ANO3: variants seen among roughly 807,000 people sequenced by gnomAD.
The protein encoded by ANO3 is anoctamin-3.
In ANO3, 99 loss-of-function variants were observed where a neutral mutation model predicts 144.8. The ratio of observed to expected loss-of-function variants is 0.68; its 90% CI spans 0.58 to 0.81. ANO3 has a LOEUF of 0.81. Ranked by LOEUF, ANO3 falls within the 30% of genes least tolerant of loss-of-function variation. The pLI is 0.00. For synonymous variants in ANO3, 414 were observed against 392.6 expected, an observed-to-expected ratio of 1.05 and a Z score of -0.64; for missense variants, 905 against 1,202.2, an observed-to-expected ratio of 0.75 and a Z score of 3.66.
At chr11:26,273,017 T>C (rs1454872348) in intron 1 of ANO3, among the ~76,000 whole-genome samples, 1 of 152,160 alleles carries the variant, frequency 6.6e-6, no homozygotes, top group Non-Finnish European at 1.5e-5. Flanking sequence ...TGCATAATAT[T>C]AAGTATTGAG....
intron 20 of ANO3, among the ~76,000 whole-genome samples, chr11:26,635,291 C>T (rs1852919254): frequency 6.6e-6 from 1 of 152,100 alleles, no homozygotes; most frequent in Non-Finnish European, 1.5e-5. Context: ...TTAATCACAT[C>T]AATTTCTTTT....
chr11:26,302,138 G>T (rs755035989), intron 1 of ANO3, among the ~76,000 whole-genome samples: 8 of 152,044 alleles, frequency 5.3e-5, no homozygotes, highest in Admixed American at 1.3e-4. Context: ...ATTTTATCTG[G>T]TTCTTTGGAG....
intron 6 of ANO3, among the ~76,000 whole-genome samples, chr11:26,522,827 A>G (rs372878): frequency 0.75 from 114,239 of 152,078 alleles, 43,561 homozygotes; most frequent in Admixed American, 0.82. Flanking sequence ...GATGCATATC[A>G]TAGTCAATTC....
At chr11:26,559,679 C>G in intron 13 of ANO3, 40 bp from the exon 14 acceptor site, 1 of 1,452,622 alleles carries the variant, frequency 6.9e-7, no homozygotes, top group Non-Finnish European at 9.7e-7. Context: ...TTATTATAAT[C>G]AATTTGCATG....
At chr11:26,399,456 T>C (rs1401538580) in intron 1 of ANO3, among the ~76,000 whole-genome samples, 2 of 151,804 alleles carry the variant, frequency 1.3e-5, no homozygotes, top group Non-Finnish European at 2.9e-5. Flanking sequence ...TAATGATCTG[T>C]CCTTGTGCAC....
intron 1 of ANO3, among the ~76,000 whole-genome samples, chr11:26,377,974 GT>G (rs1160755211): frequency 2.6e-5 from 4 of 151,926 alleles, no homozygotes; most frequent in African/African-American, 9.7e-5. Flanking sequence ...AAAAAACTGA[GT>G]TTTTTAATAT....
At chr11:26,395,321 G>C (rs1318493005) in intron 1 of ANO3, among the ~76,000 whole-genome samples, 4 of 152,100 alleles carry the variant, frequency 2.6e-5, no homozygotes, top group African/African-American at 9.7e-5. Context: ...ACGAAAGTCA[G>C]TGGTAATTTG....
At chr11:26,427,277 T>G (rs1857946021) in intron 1 of ANO3, 1 of 156,924 alleles carries the variant, frequency 6.4e-6, no homozygotes, top group Admixed American at 6.5e-5. Flanking sequence ...CACCTGTATT[T>G]ATAGGCGCCT....
chr11:26,282,690 T>C (rs547768926), intron 1 of ANO3, among the ~76,000 whole-genome samples: 1 of 152,282 alleles, frequency 6.6e-6, no homozygotes, highest in African/African-American at 2.4e-5. Flanking sequence ...GTGTATCCAG[T>C]TGAAAACAAT....
intron 1 of ANO3, among the ~76,000 whole-genome samples, chr11:26,209,096 T>A (rs1851877602): frequency 6.6e-6 from 1 of 152,202 alleles, no homozygotes; most frequent in South Asian, 2.1e-4. Context: ...GCTGCACTCA[T>A]CAACCCATCA....
intron 3 of ANO3, among the ~76,000 whole-genome samples, chr11:26,451,236 G>C (rs1035289520): frequency 3.3e-5 from 5 of 152,198 alleles, no homozygotes; most frequent in African/African-American, 1.2e-4. Context: ...AGTGGGCGCA[G>C]GTCAGTGGGT....
chr11:26,608,468 G>T (rs1851998009), intron 17 of ANO3, among the ~76,000 whole-genome samples: 1 of 152,150 alleles, frequency 6.6e-6, no homozygotes, highest in Non-Finnish European at 1.5e-5. Context: ...ACTGTCCCTT[G>T]GTGGAGGGGG....
At position 26,538,636 on chromosome 11, in the gene ANO3, A is replaced by G. The variant is rs148702593; in HGVS notation, c.1032+1175A>G. Reference sequence around the variant, plus strand: ...GTTCTCTGTCTAGGTAATTTTCTCTACATAATTAGGCTGAGTTCTGAAAGT... The same window carrying G: ...GTTCTCTGTCTAGGTAATTTTCTCTGCATAATTAGGCTGAGTTCTGAAAGT... On this transcript the variant is annotated intron_variant, in intron 10 of 26. Coordinates refer to ENST00000256737, the MANE Select transcript of ANO3 (RefSeq NM_031418.4). Among the ~76,000 whole-genome samples the G allele has an allele frequency of 1.4e-3, 218 of 152,308 alleles. 1 individual carries two copies. The highest frequency in any genetic ancestry group is 2.4e-3 in the Non-Finnish European group (164 of 68,024).
chr11:26,411,941 A>G (rs1345621477), intron 1 of ANO3, among the ~76,000 whole-genome samples: 1 of 151,982 alleles, frequency 6.6e-6, no homozygotes, highest in African/African-American at 2.4e-5. Flanking sequence ...TAAAGTGGGC[A>G]CCTCCAAATG....
chr11:26,483,429 C>T (rs1399615267), intron 4 of ANO3, among the ~76,000 whole-genome samples: 1 of 152,018 alleles, frequency 6.6e-6, no homozygotes, highest in Non-Finnish European at 1.5e-5. Flanking sequence ...ATGGACTTTC[C>T]CCTTGCTGTT....
At chr11:26,346,055 G>A (rs551536541) in intron 1 of ANO3, among the ~76,000 whole-genome samples, 2 of 152,260 alleles carry the variant, frequency 1.3e-5, no homozygotes, top group South Asian at 2.1e-4. Flanking sequence ...GCTGGCTATT[G>A]TGCACATGTT....
At chr11:26,222,031 C>T (rs1852156224) in intron 1 of ANO3, among the ~76,000 whole-genome samples, 1 of 152,132 alleles carries the variant, frequency 6.6e-6, no homozygotes, top group African/African-American at 2.4e-5. Context: ...CATCCCTTCC[C>T]AATAGTCCCC....
intron 4 of ANO3, among the ~76,000 whole-genome samples, chr11:26,500,319 A>T (rs908831752): frequency 6.6e-6 from 1 of 152,098 alleles, no homozygotes; most frequent in Middle Eastern, 3.4e-3. Context: ...TTGGATATAT[A>T]CCTAGGAGTG....
chr11:26,280,841 C>A (rs10834949), intron 1 of ANO3, among the ~76,000 whole-genome samples: 27,070 of 152,090 alleles, frequency 0.18, 2,690 homozygotes, highest in African/African-American at 0.28. Flanking sequence ...ATACTTGGTT[C>A]TTGACAGGGA....
Sources: gnomAD v4.1 joint callset for allele counts (sites outside exome capture counted in the v4.1 genomes callset) on GRCh38, gnomAD v4.1.1 for gene constraint, MANE v1.5 for transcripts, NCBI Gene and HGNC (gene_info 2026-07-23, HGNC 2026-07-21) for gene names.